Variants in CCDC178 observed in about 807,000 individuals in gnomAD.
CCDC178 encodes coiled-coil domain containing 178.
CCDC178 carries 126 observed loss-of-function variants against 117.4 expected under a neutral mutation model. The observed-to-expected ratio is 1.07, with a 90% CI of 0.93 to 1.24. The LOEUF (loss-of-function observed/expected upper bound fraction) is 1.24. CCDC178 is among the 50% of genes most tolerant of loss of function. The pLI is 0.00. For synonymous variants in CCDC178, 283 were observed against 313.4 expected, an observed-to-expected ratio of 0.90 and a Z score of 1.02; for missense variants, 1,030 against 986.9, an observed-to-expected ratio of 1.04 and a Z score of -0.59.
chr18:33,278,767 A>G (rs1000128489), intron 12 of CCDC178, among the ~76,000 whole-genome samples: 16 of 152,134 alleles, frequency 1.1e-4, no homozygotes, highest in Admixed American at 9.8e-4. Context: ...ACGATAATAT[A>G]TATAAAATTA....
chr18:33,080,889 A>C (rs906321464), intron 21 of CCDC178, among the ~76,000 whole-genome samples: 3 of 152,208 alleles, frequency 2.0e-5, no homozygotes, highest in African/African-American at 7.2e-5. Context: ...ACTTTCTCTT[A>C]TTTATGGCAG....
intron 6 of CCDC178, among the ~76,000 whole-genome samples, 168 bp from the exon 7 acceptor site, chr18:33,356,514 C>T (rs971971900): frequency 3.3e-5 from 5 of 151,714 alleles, no homozygotes; most frequent in East Asian, 3.9e-4. Context: ...TCTAAGCCCC[C>T]CCAACTGACT....
chr18:33,424,173 C>T (rs7227457), intron 2 of CCDC178, among the ~76,000 whole-genome samples: 117,617 of 152,174 alleles, frequency 0.77, 46,130 homozygotes, highest in East Asian at 1. Flanking sequence ...TTTTACTGGT[C>T]TTTATCTATA....
chr18:33,436,069 A>G (rs1274265959), intron 2 of CCDC178, among the ~76,000 whole-genome samples: 2 of 150,018 alleles, frequency 1.3e-5, no homozygotes, highest in South Asian at 2.1e-4. Flanking sequence ...TCACATAACA[A>G]CAGCAATAAA....
At chr18:33,246,695 G>A (rs1171926392) in intron 14 of CCDC178, among the ~76,000 whole-genome samples, 1 of 151,738 alleles carries the variant, frequency 6.6e-6, no homozygotes, top group African/African-American at 2.4e-5. Flanking sequence ...CCAGATGAGC[G>A]ACCAGTGCAA....
chr18:32,999,621 C>T (rs1260840326), intron 21 of CCDC178, among the ~76,000 whole-genome samples: 1 of 152,122 alleles, frequency 6.6e-6, no homozygotes, highest in Non-Finnish European at 1.5e-5. Context: ...CATCCTCCAG[C>T]TCCATGCAGC....
intron 21 of CCDC178, among the ~76,000 whole-genome samples, chr18:33,047,148 A>G (rs59545611): frequency 0.014 from 2,171 of 152,304 alleles, 55 homozygotes; most frequent in African/African-American, 0.049. Flanking sequence ...CAACTGAAAA[A>G]GCAAAGATGT....
Position 33,207,391 on chromosome 18 carries a change from T to C in CCDC178, c.2238+4505A>G, listed in dbSNP as rs569423992. ...AATTAACGTATATTTAAAAATGCAA[T>C]TTGATATTTGAAAACATAATTATTT... On this transcript the variant is annotated intron_variant, in intron 20 of 22. Transcript: ENST00000383096. Among the ~76,000 whole-genome samples the C allele has an allele frequency of 3.9e-5, 6 of 152,054 alleles. No homozygotes were observed. The South Asian group carries it at 1.2e-3, about 32-fold the overall frequency.
chr18:33,108,500 A>G (rs2057737214), intron 20 of CCDC178, among the ~76,000 whole-genome samples: 2 of 151,594 alleles, frequency 1.3e-5, no homozygotes, highest in East Asian at 1.9e-4. Context: ...TATAGAGTAG[A>G]CTATGCTAAG....
intron 20 of CCDC178, among the ~76,000 whole-genome samples, chr18:33,178,268 C>A (rs1385607445): frequency 6.6e-6 from 1 of 152,176 alleles, no homozygotes; most frequent in African/African-American, 2.4e-5. Context: ...CTCAACTCCT[C>A]TGTCCCACCA....
chr18:33,333,416 C>T, intron 9 of CCDC178, 22 bp from the exon 10 acceptor site: 1 of 1,168,266 alleles, frequency 8.6e-7, no homozygotes, highest in East Asian at 2.9e-5. Flanking sequence ...AGGATAAGAA[C>T]AAAAGAAAAT....
At chr18:33,287,008 C>T (rs762344268) in intron 12 of CCDC178, among the ~76,000 whole-genome samples, 5 of 152,132 alleles carry the variant, frequency 3.3e-5, no homozygotes, top group Non-Finnish European at 5.9e-5. Context: ...CTTTAATGCA[C>T]TGAGCCAATT....
At chr18:32,958,294 T>G (rs149251162) in intron 22 of CCDC178, 94 of 416,056 alleles carry the variant, frequency 2.3e-4, no homozygotes, top group African/African-American at 9.2e-4. Flanking sequence ...TCTTGCAAGT[T>G]TTCATTTCTG....
rs918354706 is a variant in CCDC178 at position 32,937,551 on chromosome 18, A to C, written c.*460T>G. On this transcript the variant is annotated 3_prime_UTR_variant, in exon 23 of 23. Coordinates refer to ENST00000383096, the MANE Select transcript of CCDC178 (RefSeq NM_001105528.4). ...GCTAAAAAAGACTGGTAAACACAAA[A>C]ACAAAAGTACATTAGACAGAGTGTC... The C allele has an allele frequency of 6.5e-6, 1 of 154,284 alleles. No individual in the cohort carries two copies. 9.6% of individuals were successfully genotyped at this position (154,284 alleles called of 1,614,324 possible).
intron 22 of CCDC178, among the ~76,000 whole-genome samples, chr18:32,965,702 A>G (rs1337497915): frequency 6.6e-6 from 1 of 151,728 alleles, no homozygotes; most frequent in African/African-American, 2.4e-5. Flanking sequence ...TGAGGACAAC[A>G]TAGTCCTCAA....
chr18:33,056,174 A>G (rs111969682), intron 21 of CCDC178, among the ~76,000 whole-genome samples: 1 of 152,298 alleles, frequency 6.6e-6, no homozygotes, highest in African/African-American at 2.4e-5. Context: ...GCTACTTACT[A>G]CATGTGATTG....
chr18:33,003,575 TATC>T (rs1181426463), intron 21 of CCDC178, among the ~76,000 whole-genome samples: 1 of 152,112 alleles, frequency 6.6e-6, no homozygotes, highest in African/African-American at 2.4e-5. Context: ...CCAAAGCTAG[TATC>T]ATACTGATGG....
rs949641752 is a variant in CCDC178, at chr18:32,966,878, A to G, written c.2523+7669T>C. ...TTGTTTAGTAGCTTTCTCCAAAAAG[A>G]TTGAGCTAAATTTTTGTTAATTATG... On this transcript the variant is annotated intron_variant, in intron 22 of 22. Coordinates refer to ENST00000383096, the MANE Select transcript of CCDC178 (RefSeq NM_001105528.4). Among the ~76,000 whole-genome samples the G allele has an allele frequency of 7.2e-5, 11 of 151,906 alleles. No homozygotes were observed. In the South Asian group the frequency reaches 2.3e-3, roughly 31 times the overall value.
chr18:33,341,165 T>C (rs1425274841), intron 9 of CCDC178, among the ~76,000 whole-genome samples: 1 of 151,946 alleles, frequency 6.6e-6, no homozygotes, highest in Admixed American at 6.6e-5. Context: ...TCAAAGGAGA[T>C]CATTTTGGAG....
Sources: allele counts gnomAD v4.1 joint callset (sites outside exome capture counted in the v4.1 genomes callset), GRCh38; gene constraint gnomAD v4.1.1; transcripts MANE v1.5; gene names NCBI Gene and HGNC (gene_info 2026-07-23, HGNC 2026-07-21).